Variants in DCDC1 observed in about 807,000 individuals in gnomAD.
DCDC1 encodes doublecortin domain containing 1, also known as doublecortin domain-containing protein 1.
Under a neutral mutation model 178.3 loss-of-function variants are expected in DCDC1, and 200 were observed. That is an observed-to-expected ratio of 1.12 (90% CI 1.00 to 1.26). The LOEUF is 1.26. DCDC1 is among the 50% of genes most tolerant of loss of function. The pLI, the probability that DCDC1 is intolerant of heterozygous loss-of-function variation, is 0.00. For synonymous variants in DCDC1, 690 were observed against 604.8 expected (o/e 1.14, Z -2.07); for missense variants, 1,983 against 1,749.2 (o/e 1.13, Z -2.38).
intron 9 of DCDC1, among the ~76,000 whole-genome samples, chr11:31,200,578 TA>T (rs1408091776): frequency 6.6e-6 from 1 of 152,066 alleles, no homozygotes; most frequent in Non-Finnish European, 1.5e-5. Flanking sequence ...ATAACTAATG[TA>T]AAAATTAATA....
chr11:31,001,403 C>A lies in DCDC1; in HGVS notation c.2592-48835G>T, dbSNP rs1951571273. 2.0e-5 allele frequency among the ~76,000 whole-genome samples: 3 copies of A among 152,058 alleles called. No homozygotes were observed. In the South Asian group the frequency reaches 6.2e-4, roughly 32 times the overall value. On this transcript the variant is annotated intron_variant, in intron 20 of 38. Coordinates refer to ENST00000684477, the MANE Select transcript of DCDC1 (RefSeq NM_001387274.1). ...CATTTGAACAGAAACACTAAGAAAT[C>A]TTTTGCCTGCTTAGAAACTCCTGTC...
chr11:31,028,821 T>C (rs1182443249), intron 20 of DCDC1, among the ~76,000 whole-genome samples: 2 of 152,056 alleles, frequency 1.3e-5, no homozygotes, highest in Non-Finnish European at 2.9e-5. Flanking sequence ...GGGAGTTTTG[T>C]CTATTTAAAT....
intron 20 of DCDC1, among the ~76,000 whole-genome samples, chr11:31,010,122 T>C (rs1437802780): frequency 1.3e-5 from 2 of 152,208 alleles, no homozygotes; most frequent in Non-Finnish European, 2.9e-5. Flanking sequence ...GTCCACTGAT[T>C]CAAATGCTAA....
At chr11:31,122,535 AAATAAT>A (rs1397142026) in intron 11 of DCDC1, among the ~76,000 whole-genome samples, 1 of 152,142 alleles carries the variant, frequency 6.6e-6, no homozygotes, top group Non-Finnish European at 1.5e-5. Flanking sequence ...TATAATTTGC[AAATAAT>A]AATAAAATAT....
intron 17 of DCDC1, among the ~76,000 whole-genome samples, chr11:31,088,643 T>C (rs1957617554): frequency 6.6e-6 from 1 of 152,154 alleles, no homozygotes; most frequent in African/African-American, 2.4e-5. Flanking sequence ...CCACAATATA[T>C]TATTATTATC....
chr11:31,309,019 T>C (rs539107574), intron 3 of DCDC1, among the ~76,000 whole-genome samples: 114 of 152,092 alleles, frequency 7.5e-4, no homozygotes, highest in African/African-American at 2.7e-3. Context: ...CATCCACAAA[T>C]GTCATTATAA....
intron 38 of DCDC1, among the ~76,000 whole-genome samples, chr11:30,876,108 T>C (rs1208396033): frequency 6.6e-6 from 1 of 152,168 alleles, no homozygotes; most frequent in African/African-American, 2.4e-5. Context: ...TTAAGGGTGT[T>C]TGTGAACTAT....
At chr11:31,135,087 C>T (rs532728334) in intron 10 of DCDC1, among the ~76,000 whole-genome samples, 18 of 152,254 alleles carry the variant, frequency 1.2e-4, no homozygotes, top group Admixed American at 5.9e-4. Context: ...TACTGTTACT[C>T]CCAAATTTCA....
At chr11:31,125,319 C>A (rs1208842137) in intron 11 of DCDC1, among the ~76,000 whole-genome samples, 1 of 152,088 alleles carries the variant, frequency 6.6e-6, no homozygotes, top group Non-Finnish European at 1.5e-5. Flanking sequence ...TACTTTTACA[C>A]TGTTAGTGGG....
intron 20 of DCDC1, among the ~76,000 whole-genome samples, chr11:31,032,902 C>T (rs1181407864): frequency 6.6e-6 from 1 of 152,050 alleles, no homozygotes; most frequent in Non-Finnish European, 1.5e-5. Flanking sequence ...TAATCAACTC[C>T]TGCAATTTAG....
chr11:31,347,907 A>G (rs913370302), intron 1 of DCDC1, among the ~76,000 whole-genome samples: 11 of 152,198 alleles, frequency 7.2e-5, no homozygotes, highest in Non-Finnish European at 4.4e-5. Context: ...ACTGGAGGTC[A>G]TAAGTAGGTG....
At chr11:31,271,032 T>C (rs1368054783) in intron 7 of DCDC1, among the ~76,000 whole-genome samples, 1 of 152,134 alleles carries the variant, frequency 6.6e-6, no homozygotes, top group Non-Finnish European at 1.5e-5. Flanking sequence ...TTTGGTCAAA[T>C]TTCTCTCCCA....
At chr11:30,869,415 T>C (rs903553731) in intron 38 of DCDC1, among the ~76,000 whole-genome samples, 1 of 152,190 alleles carries the variant, frequency 6.6e-6, no homozygotes, top group Non-Finnish European at 1.5e-5. Flanking sequence ...AAAATAAAAC[T>C]TTTTAAACCA....
intron 20 of DCDC1, among the ~76,000 whole-genome samples, chr11:31,041,222 AAAAG>A (rs1954428270): frequency 6.6e-6 from 1 of 152,202 alleles, no homozygotes; most frequent in Admixed American, 6.5e-5. Flanking sequence ...TTGTATTCTC[AAAAG>A]AAAGGCAGAC....
intron 23 of DCDC1, among the ~76,000 whole-genome samples, chr11:30,924,678 C>T (rs1469427165): frequency 6.6e-6 from 1 of 152,136 alleles, no homozygotes; most frequent in Non-Finnish European, 1.5e-5. Flanking sequence ...AGAGAATTTA[C>T]CTCCTTCAGA....
chr11:31,182,198 AC>A (rs1968890847), intron 9 of DCDC1, among the ~76,000 whole-genome samples: 1 of 152,216 alleles, frequency 6.6e-6, no homozygotes, highest in African/African-American at 2.4e-5. Flanking sequence ...AACTTCCCCA[AC>A]CTAGCAAGAC....
chr11:30,936,114 T>C (rs112922241), intron 21 of DCDC1, among the ~76,000 whole-genome samples: 4,118 of 152,272 alleles, frequency 0.027, 186 homozygotes, highest in African/African-American at 0.093. Context: ...TGGTGAACCA[T>C]GAATTTAAGA....
At chr11:31,168,341 A>G (rs1966858401) in intron 9 of DCDC1, among the ~76,000 whole-genome samples, 1 of 152,176 alleles carries the variant, frequency 6.6e-6, no homozygotes, top group African/African-American at 2.4e-5. Context: ...CCATAAATTT[A>G]TGATTTGTCT....
intron 11 of DCDC1, among the ~76,000 whole-genome samples, chr11:31,112,279 A>G (rs1275833034): frequency 6.6e-6 from 1 of 152,214 alleles, no homozygotes; most frequent in Non-Finnish European, 1.5e-5. Flanking sequence ...CAATATATAT[A>G]CCAAAATATA....
Sources: gnomAD v4.1 joint callset for allele counts (sites outside exome capture counted in the v4.1 genomes callset) on GRCh38, gnomAD v4.1.1 for gene constraint, MANE v1.5 for transcripts, NCBI Gene and HGNC (gene_info 2026-07-23, HGNC 2026-07-21) for gene names.